The following DYNC1LI2 variants were observed in gnomAD, a reference collection of about 807,000 sequenced individuals.
DYNC1LI2 encodes dynein cytoplasmic 1 light intermediate chain 2.
A neutral mutation model predicts 57.8 loss-of-function variants in DYNC1LI2; 19 were observed. The observed-to-expected ratio is 0.33, with a 90% CI of 0.23 to 0.48. The LOEUF (loss-of-function observed/expected upper bound fraction) is 0.48. Among genes scored for constraint, DYNC1LI2 ranks in the 20% least tolerant of loss-of-function variants. DYNC1LI2 has a pLI of 0.99. For synonymous variants in DYNC1LI2, 256 were observed against 233.4 expected (o/e 1.10, Z -0.88); for missense variants, 470 against 604.2 (o/e 0.78, Z 2.33).
At chr16:66,748,950 A>T (rs1417897910) in intron 3 of DYNC1LI2, among the ~76,000 whole-genome samples, 1 of 152,212 alleles carries the variant, frequency 6.6e-6, no homozygotes, top group Non-Finnish European at 1.5e-5. Context: ...ATTTATCTTC[A>T]GTATCTCTTT....
intron 9 of DYNC1LI2, 39 bp downstream of exon 9, chr16:66,729,001 A>G (rs375784633): frequency 6.2e-7 from 1 of 1,610,594 alleles, no homozygotes; most frequent in Non-Finnish European, 8.5e-7. Context: ...CATTTCATGC[A>G]TGAGAAGGCC....
chr16:66,739,155 C>T (rs538255674), intron 4 of DYNC1LI2: 1 of 152,244 alleles, frequency 6.6e-6, no homozygotes, highest in South Asian at 2.1e-4. Flanking sequence ...TCTCGTGAGG[C>T]ACTCAACTAG....
rs1567448834 is a variant in DYNC1LI2, at chr16:66,729,054, G to T, written c.1087C>A (p.Leu363Ile). ...ELAAEDEQVFLMKQQSLLAKQ... is the reference protein window; with the variant it reads ...ELAAEDEQVFIMKQQSLLAKQ... Reference sequence around the variant, plus strand: ...GGTCTTCTTACCTGTTGCTTCATTAGGAACACCTGCTCATCTTCTGCTGCC... The same window carrying T: ...GGTCTTCTTACCTGTTGCTTCATTATGAACACCTGCTCATCTTCTGCTGCC... The change falls in exon 9 of 13, where the codon CTA (leucine) becomes ATA (isoleucine). Residue 363 changes from leucine (L) to isoleucine (I), a missense_variant. Leu to Ile is a conservative substitution (Grantham distance 5). Coordinates refer to ENST00000258198, the MANE Select transcript of DYNC1LI2 (RefSeq NM_006141.3). 6.2e-7 allele frequency: 1 copy of T among 1,614,196 alleles called. No individual in the cohort carries two copies. Among genetic ancestry groups the T allele is most frequent in the Non-Finnish European group, 8.5e-7 (1 of 1,180,034 alleles).
chr16:66,728,232 G>T lies in DYNC1LI2; in HGVS notation c.1112C>A (p.Ala371Asp). ...TCTCGTGGGAGTGGCTGGTTGCTTG[G>T]CAAGGAGTGACTGCAAAGAGAGGGA... Reference protein sequence around the residue: ...VFLMKQQSLLAKQPATPTRAS... With the variant: ...VFLMKQQSLLDKQPATPTRAS... The change falls in exon 10 of 13, where the codon GCC becomes GAC. Residue 371 changes from alanine (A) to aspartate (D), a missense_variant. By Grantham distance (126) the Ala-to-Asp change is moderately radical. Coordinates refer to ENST00000258198, the MANE Select transcript of DYNC1LI2 (RefSeq NM_006141.3). The T allele has an allele frequency of 1.2e-6, 2 of 1,614,098 alleles. No individual in the cohort carries two copies. Among genetic ancestry groups the T allele is most frequent in the South Asian group, 1.1e-5 (1 of 91,062 alleles).
Position 66,751,246 on chromosome 16 carries a change from G to A in DYNC1LI2, c.181+27C>T, listed in dbSNP as rs770236813. ...CCGCCTCGCCCACCCCAGCGACCTG[G>A]GGCAACGCCCCGCCGCCGGCGCTCA... On this transcript the variant is annotated intron_variant, in intron 2 of 12. Transcript: ENST00000258198. This position sits in a 1 kb window ranked among gnomAD's most constrained non-coding sequence, Gnocchi z 5.2. 2 of 1,607,456 alleles carry A rather than the reference G, an allele frequency of 1.2e-6. No individual in the cohort carries two copies. The highest frequency in any genetic ancestry group is 1.7e-6 in the Non-Finnish European group (2 of 1,177,502).
In DYNC1LI2 at chr16:66,728,241, G is replaced by A; in HGVS notation, c.1103C>T (p.Ser368Leu). The change falls in exon 10 of 13, where the codon TCA becomes TTA. Residue 368 changes from serine to leucine, a missense_variant and splice_region_variant. Transcript: ENST00000258198. ...DEQVFLMKQQ[S>L]LLAKQPATPT... ...AGTGGCTGGTTGCTTGGCAAGGAGT[G>A]ACTGCAAAGAGAGGGACAAACTGGC... 6.2e-7 allele frequency: 1 copy of A among 1,614,058 alleles called. No individual in the cohort carries two copies. The highest frequency in any genetic ancestry group is 1.1e-5 in the South Asian group (1 of 91,044).
intron 3 of DYNC1LI2, among the ~76,000 whole-genome samples, chr16:66,744,621 G>A (rs747192848): frequency 5.9e-5 from 9 of 151,692 alleles, no homozygotes; most frequent in East Asian, 2.0e-4. Flanking sequence ...TGCAACTGCC[G>A]CCGCAACCGC....
chr16:66,738,070 C>G (rs763176925), intron 4 of DYNC1LI2, among the ~76,000 whole-genome samples: 1 of 152,158 alleles, frequency 6.6e-6, no homozygotes, highest in Non-Finnish European at 1.5e-5. Flanking sequence ...CCACAGAACA[C>G]GTTTCAAACA....
rs755502936 is a variant in DYNC1LI2 at position 66,730,165 on chromosome 16, C to T, written c.988G>A (p.Val330Met). 6.8e-6 allele frequency: 11 copies of T among 1,613,906 alleles called. No individual in the cohort carries two copies. Among genetic ancestry groups the T allele is most frequent in the East Asian group, 6.7e-5 (3 of 44,892 alleles). Residue 330 changes from valine to methionine, a missense_variant, in exon 8 of 13, where the codon GTG becomes ATG. Val to Met is a conservative substitution (Grantham distance 21). Transcript: ENST00000258198. ...IAILHENFTT[V>M]KPEDAYEDFI... is the part of the protein sequence containing the mutation. The stretch of plus-strand genomic sequence containing the variant: ...TCTTCATATGCATCTTCCGGCTTCA[C>T]GGTTGTAAAATTTTCATGTAAAATA...
chr16:66,751,336 G>A lies in DYNC1LI2; in HGVS notation c.118C>T (p.Leu40=). 2 of 1,611,986 alleles carry A rather than the reference G, an allele frequency of 1.2e-6. No homozygotes were observed. Among genetic ancestry groups the A allele is most frequent in the African/African-American group, 1.3e-5 (1 of 74,710 alleles). Residue 40 remains leucine, a synonymous_variant, in exon 2 of 13, where the codon CTG becomes TTG. Coordinates refer to ENST00000258198, the MANE Select transcript of DYNC1LI2 (RefSeq NM_006141.3). The surrounding 1 kb of genome is among the most constrained non-coding windows in gnomAD (Gnocchi z 5.2). ...EEGQSLWSSI[L]SEVSTRARSK... ...CTGGCGCGGGTGGACACTTCGCTCA[G>A]AATGGAGGACCTGTGGCGACAATGG...
At chr16:66,731,387 G>A (rs1383682467) in intron 7 of DYNC1LI2, 1 of 152,290 alleles carries the variant, frequency 6.6e-6, no homozygotes, top group Non-Finnish European at 1.5e-5. Context: ...CTCCTTGACT[G>A]TGCAGGAGGC....
Position 66,751,014 on chromosome 16 carries a change from A to G in DYNC1LI2, c.181+259T>C, listed in dbSNP as rs2018037286. ...CCTCAATTTGGTAACCGTCGAGGCA[A>G]TGAAGGCATAGAGGGCCAAGTGACT... On this transcript the variant is annotated intron_variant, in intron 2 of 12. Transcript: ENST00000258198. The surrounding 1 kb of genome is among the most constrained non-coding windows in gnomAD (Gnocchi z 5.2). Among the ~76,000 whole-genome samples the G allele has an allele frequency of 6.6e-6, 1 of 152,176 alleles. No individual in the cohort carries two copies. Among genetic ancestry groups the G allele is most frequent in the Non-Finnish European group, 1.5e-5 (1 of 68,024 alleles).
At chr16:66,726,026 T>G in intron 11 of DYNC1LI2, 82 bp from the exon 12 acceptor site, 1 of 1,433,128 alleles carries the variant, frequency 7.0e-7, no homozygotes, top group South Asian at 1.3e-5. Context: ...AGCTTGGCAT[T>G]AGCCACTTGT....
Position 66,723,098 on chromosome 16 carries a change from G to C in DYNC1LI2, c.*624C>G. ...CCCACAATTAGTACATCTTTCGTAAGTTAAAGATGCATTCAAAATAAGCCT... is the reference window on the plus strand; with the variant it reads ...CCCACAATTAGTACATCTTTCGTAACTTAAAGATGCATTCAAAATAAGCCT... On this transcript the variant is annotated 3_prime_UTR_variant, in exon 13 of 13. Coordinates refer to ENST00000258198, the MANE Select transcript of DYNC1LI2 (RefSeq NM_006141.3). 1 of 345,374 alleles carries C rather than the reference G, an allele frequency of 2.9e-6. No individual in the cohort carries two copies. The highest frequency in any genetic ancestry group is 5.7e-6 in the Non-Finnish European group (1 of 174,134). 21.4% of individuals were successfully genotyped at this position (345,374 alleles called of 1,614,324 possible).
Position 66,734,330 on chromosome 16 carries a change from G to A in DYNC1LI2, c.700-19C>T. 6.2e-7 allele frequency: 1 copy of A among 1,613,016 alleles called. No homozygotes were observed. The highest frequency in any genetic ancestry group is 8.5e-7 in the Non-Finnish European group (1 of 1,179,344). On this transcript the variant is annotated intron_variant, in intron 5 of 12. Transcript: ENST00000258198. ...CATCACACTGCAGGGAAGACAGACA[G>A]AGTCACCTTTTTGCTTCATTGCCTG...
chr16:66,734,157 G>T, intron 6 of DYNC1LI2, 61 bp downstream of exon 6: 1 of 1,528,676 alleles, frequency 6.5e-7, no homozygotes, highest in Non-Finnish European at 9.0e-7. Flanking sequence ...TTATCTCTTT[G>T]AAGATGCCCC....
chr16:66,720,901 A>T lies in DYNC1LI2; in HGVS notation c.*2821T>A, dbSNP rs2017441183. Reference sequence around the variant, plus strand: ...AAGAAAGCCACCAAAACTTGTAAGCAGTCTGGATTCGTGTTTATTGAAGCC... The same window carrying T: ...AAGAAAGCCACCAAAACTTGTAAGCTGTCTGGATTCGTGTTTATTGAAGCC... On this transcript the variant is annotated 3_prime_UTR_variant, in exon 13 of 13. Transcript: ENST00000258198. 3 of 152,762 alleles carry T rather than the reference A, an allele frequency of 2.0e-5. No individual in the cohort carries two copies. The South Asian group carries it at 6.2e-4, about 32-fold the overall frequency. The allele number at this position is 152,762 out of a possible 1,614,324, so 9.5% of individuals were successfully genotyped here.
chr16:66,728,253 A>AG lies in DYNC1LI2; in HGVS notation c.1102-12dup. The AG allele has an allele frequency of 6.2e-7, 1 of 1,614,100 alleles. No individual in the cohort carries two copies. Among genetic ancestry groups the AG allele is most frequent in the Non-Finnish European group, 8.5e-7 (1 of 1,179,998 alleles). Reference sequence around the variant, plus strand: ...CTTGGCAAGGAGTGACTGCAAAGAGAGGGACAAACTGGCTATTAACCAAGG... The same window carrying AG: ...CTTGGCAAGGAGTGACTGCAAAGAGAGGGGACAAACTGGCTATTAACCAAGG... On this transcript the variant is annotated splice_polypyrimidine_tract_variant and intron_variant, in intron 9 of 12. Transcript: ENST00000258198.
intron 12 of DYNC1LI2, among the ~76,000 whole-genome samples, chr16:66,725,396 G>A (rs189754631): frequency 3.3e-5 from 5 of 151,906 alleles, no homozygotes; most frequent in East Asian, 3.9e-4. Flanking sequence ...CAGGAGAATC[G>A]CTTGAACCTG....
Sources: gnomAD v4.1 joint callset for allele counts (sites outside exome capture counted in the v4.1 genomes callset) on GRCh38, gnomAD v4.1.1 for gene constraint, Gnocchi (gnomAD v3.1) non-coding constraint, MANE v1.5 for transcripts, NCBI Gene and HGNC (gene_info 2026-07-23, HGNC 2026-07-21) for gene names.